The following PRR16 variants were observed in gnomAD, a reference collection of about 807,000 sequenced individuals.
The protein encoded by PRR16 is proline rich 16, also known as protein Largen.
A neutral mutation model predicts 18.2 loss-of-function variants in PRR16; 6 were observed. The observed-to-expected ratio is 0.33, with a 90% CI of 0.18 to 0.65. PRR16 has a LOEUF of 0.65. Ranked by LOEUF, PRR16 falls within the 30% of genes least tolerant of loss-of-function variation. The pLI is 0.74. For missense variants in PRR16, 412 were observed against 376.6 expected (o/e 1.09, Z -0.78); for synonymous variants, 151 against 147.8 (o/e 1.02, Z -0.16).
intron 1 of PRR16, among the ~76,000 whole-genome samples, chr5:120,680,394 T>C (rs1756934276): frequency 6.6e-6 from 1 of 152,174 alleles, no homozygotes; most frequent in Admixed American, 6.5e-5. Context: ...CATATAGAAC[T>C]AGTTAATTCA....
In PRR16 at chr5:120,519,559, C is replaced by T. The variant is rs1243192126; in HGVS notation, c.159+54914C>T. 2.0e-5 allele frequency among the ~76,000 whole-genome samples: 3 copies of T among 152,070 alleles called. No individual in the cohort carries two copies. The South Asian group carries it at 6.2e-4, about 32-fold the overall frequency. ...TTTGAAGAGTAATCCTGTATTACTT[C>T]ACTCAATGAAAATTCCACATCATAT... is the stretch of plus-strand genomic sequence containing the variant. On this transcript the variant is annotated intron_variant, in intron 1 of 1. Transcript: ENST00000407149.
intron 1 of PRR16, among the ~76,000 whole-genome samples, chr5:120,528,726 C>G (rs999694304): frequency 6.6e-6 from 1 of 152,064 alleles, no homozygotes; most frequent in Non-Finnish European, 1.5e-5. Flanking sequence ...GATGCAAGAC[C>G]ATGTTTTACT....
At chr5:120,483,397 T>C (rs931696553) in intron 1 of PRR16, among the ~76,000 whole-genome samples, 4 of 152,178 alleles carry the variant, frequency 2.6e-5, no homozygotes, top group Non-Finnish European at 4.4e-5. Flanking sequence ...TTTGGATTCT[T>C]CCTTTTCAAA....
chr5:120,637,382 T>C (rs929981411), intron 1 of PRR16, among the ~76,000 whole-genome samples: 1 of 148,016 alleles, frequency 6.8e-6, no homozygotes, highest in Middle Eastern at 3.3e-3. Flanking sequence ...ATTTGCAGTT[T>C]CAAAAATATG....
chr5:120,747,888 ACT>A, the PRR16 span, among the ~76,000 whole-genome samples: 2 of 152,130 alleles, frequency 1.3e-5, no homozygotes, highest in African/African-American at 4.8e-5. Flanking sequence ...AATTATGCGT[ACT>A]CTTAGTTCCA....
the PRR16 span, among the ~76,000 whole-genome samples, chr5:120,719,064 A>G: frequency 2.0e-5 from 3 of 152,058 alleles, no homozygotes. Context: ...ATATGTCATA[A>G]TTTTCTTCAG....
At chr5:120,497,596 G>T (rs982424786) in intron 1 of PRR16, among the ~76,000 whole-genome samples, 3 of 151,342 alleles carry the variant, frequency 2.0e-5, no homozygotes, top group African/African-American at 7.3e-5. Context: ...TCACTATGTT[G>T]GCCAGACTGG....
chr5:120,526,497 C>T (rs1461570864), intron 1 of PRR16, among the ~76,000 whole-genome samples: 2 of 151,986 alleles, frequency 1.3e-5, no homozygotes, highest in Non-Finnish European at 2.9e-5. Flanking sequence ...GAATTATTGC[C>T]GTTCCCTCCT....
rs1580756240 is a variant in PRR16, at chr5:120,587,057, A to G, written c.160-98897A>G. On this transcript the variant is annotated intron_variant, in intron 1 of 1. Transcript: ENST00000407149. ...AAAGTTTTAGTGATCTGGATAGACG[A>G]TTAAACATTTCCTTAAGCCAAAACC... Among the ~76,000 whole-genome samples the G allele has an allele frequency of 4.6e-5, 7 of 152,356 alleles. No individual in the cohort carries two copies. The South Asian group carries it at 1.4e-3, about 32-fold the overall frequency.
chr5:120,646,048 T>TTTTATATATATATATATATA (rs748781292), intron 1 of PRR16, among the ~76,000 whole-genome samples: 5 of 104,984 alleles, frequency 4.8e-5, no homozygotes, highest in Admixed American at 3.4e-4. Flanking sequence ...AATACATATT[T>TTTTATATATATATATATATA]TATATATATA....
intron 1 of PRR16, among the ~76,000 whole-genome samples, chr5:120,518,450 T>C (rs2112647835): frequency 6.6e-6 from 1 of 152,056 alleles, no homozygotes; most frequent in Middle Eastern, 3.4e-3. Context: ...GTTCCAGGAG[T>C]GGCATGGAAA....
intron 1 of PRR16, among the ~76,000 whole-genome samples, chr5:120,524,753 TCA>T (rs1310849351): frequency 6.6e-6 from 1 of 152,124 alleles, no homozygotes; most frequent in African/African-American, 2.4e-5. Flanking sequence ...ACTGATGTGA[TCA>T]TTATGCCTTG....
At position 120,683,957 on chromosome 5, in the gene PRR16, CTGAAA is replaced by C. The variant is rs1162447171; in HGVS notation, c.160-1991_160-1987del. 2.7e-5 allele frequency among the ~76,000 whole-genome samples: 4 copies of C among 150,136 alleles called. No individual in the cohort carries two copies. In the East Asian group the frequency reaches 7.9e-4, roughly 30 times the overall value. ...AAAACCAAAAAAGTCATTGAGACTA[CTGAAA>C]TGAAAAAAAGCAAAGTGGCTTTGGA... On this transcript the variant is annotated intron_variant, in intron 1 of 1. Transcript: ENST00000407149.
intron 1 of PRR16, among the ~76,000 whole-genome samples, chr5:120,479,059 C>G (rs777462807): frequency 2.6e-5 from 4 of 151,994 alleles, no homozygotes; most frequent in African/African-American, 2.4e-5. Flanking sequence ...TTTTTCTTCT[C>G]TTTTATATAC....
chr5:120,550,808 G>A (rs557848141), intron 1 of PRR16, among the ~76,000 whole-genome samples: 4 of 152,036 alleles, frequency 2.6e-5, no homozygotes, highest in Admixed American at 6.6e-5. Flanking sequence ...CCTAAAGCAG[G>A]GAAGGACAGA....
intron 1 of PRR16, among the ~76,000 whole-genome samples, chr5:120,506,066 TCTTGC>T (rs1417464650): frequency 2.6e-5 from 4 of 151,720 alleles, no homozygotes; most frequent in Non-Finnish European, 5.9e-5. Context: ...ATGAAACTTT[TCTTGC>T]CTTCAGAACT....
At chr5:120,749,246 G>A in the PRR16 span, among the ~76,000 whole-genome samples, 2 of 152,066 alleles carry the variant, frequency 1.3e-5, no homozygotes, top group African/African-American at 4.8e-5. Context: ...AACATTCTTA[G>A]TTCTCTATAA....
intron 1 of PRR16, among the ~76,000 whole-genome samples, chr5:120,531,737 CA>C: frequency 6.6e-6 from 1 of 152,044 alleles, no homozygotes; most frequent in South Asian, 2.1e-4. Context: ...TAGAGAAGAA[CA>C]CAAGCAAAAA....
chr5:120,753,524 T>A, the PRR16 span, among the ~76,000 whole-genome samples: 1 of 151,734 alleles, frequency 6.6e-6, no homozygotes, highest in African/African-American at 2.4e-5. Flanking sequence ...TAAAGAATGG[T>A]GAGTGATCTA....
Sources: gnomAD v4.1 joint callset for allele counts (sites outside exome capture counted in the v4.1 genomes callset) on GRCh38, gnomAD v4.1.1 for gene constraint, MANE v1.5 for transcripts, NCBI Gene and HGNC (gene_info 2026-07-23, HGNC 2026-07-21) for gene names.